QTGAL: variants seen among roughly 807,000 people sequenced by gnomAD.
The protein encoded by QTGAL is queuosine-tRNA galactosyltransferase.
the QTGAL span, among the ~76,000 whole-genome samples, chr17:82,990,397 C>CAGGCAAGAGACTCGCCATCGT: frequency 1.3e-5 from 2 of 152,276 alleles, no homozygotes; most frequent in Non-Finnish European, 2.9e-5. Context: ...AACGCCAACA[C>CAGGCAAGAGACTCGCCATCGT]AGGCAAGAGA....
At chr17:82,964,255 CA>C in the QTGAL span, among the ~76,000 whole-genome samples, 1,520 of 72,370 alleles carry the variant, frequency 0.021, 13 homozygotes, top group African/African-American at 0.082. Context: ...GACCCTGTCT[CA>C]AAAAAAAAAA....
At chr17:82,962,879 G>A in the QTGAL span, among the ~76,000 whole-genome samples, 1 of 147,030 alleles carries the variant, frequency 6.8e-6, no homozygotes, top group African/African-American at 2.5e-5. Context: ...CCTGGGAGGA[G>A]GGGGACGCAG....
the QTGAL span, chr17:82,956,690 C>T: frequency 6.4e-7 from 1 of 1,571,804 alleles, no homozygotes; most frequent in Non-Finnish European, 8.6e-7. This position sits in a 1 kb window ranked among gnomAD's most constrained non-coding sequence, Gnocchi z 5.7. Context: ...GGGCCCCACA[C>T]TCACCAGCTT....
the QTGAL span, among the ~76,000 whole-genome samples, chr17:83,051,535 G>A: frequency 6.6e-6 from 1 of 152,178 alleles, no homozygotes; most frequent in Non-Finnish European, 1.5e-5. Flanking sequence ...GCGCCCCGCG[G>A]GCTCCAATCC....
chr17:82,952,680 G>A, the QTGAL span, among the ~76,000 whole-genome samples: 4 of 152,100 alleles, frequency 2.6e-5, no homozygotes, highest in Admixed American at 6.6e-5. Context: ...GGACTTGAAC[G>A]CAGCTCTGGA....
At chr17:82,978,574 G>A in the QTGAL span, 1 of 152,152 alleles carries the variant, frequency 6.6e-6, no homozygotes, top group Non-Finnish European at 1.5e-5. This position sits in a 1 kb window ranked among gnomAD's most constrained non-coding sequence, Gnocchi z 4.8. Flanking sequence ...CCGGATGCAG[G>A]TCTCATTTCC....
chr17:82,968,004 C>T, the QTGAL span, among the ~76,000 whole-genome samples: 1 of 152,126 alleles, frequency 6.6e-6, no homozygotes, highest in Non-Finnish European at 1.5e-5. Context: ...TTACATAACG[C>T]TGAAGGGAAG....
At chr17:82,950,626 G>A in the QTGAL span, among the ~76,000 whole-genome samples, 76 of 152,122 alleles carry the variant, frequency 5.0e-4, 1 homozygote, top group African/African-American at 1.8e-3. Context: ...TATCTTTGGC[G>A]GCTACGGCCT....
chr17:83,019,365 C>T, the QTGAL span, among the ~76,000 whole-genome samples: 1 of 152,172 alleles, frequency 6.6e-6, no homozygotes, highest in African/African-American at 2.4e-5. Context: ...TTGATATATT[C>T]AAATTATCAC....
the QTGAL span, among the ~76,000 whole-genome samples, chr17:82,951,892 GA>G: frequency 6.6e-6 from 1 of 152,050 alleles, no homozygotes; most frequent in East Asian, 1.9e-4. Flanking sequence ...GGCGCCCCGA[GA>G]TAGTAGTGAC....
At chr17:82,946,249 A>G in the QTGAL span, among the ~76,000 whole-genome samples, 7 of 152,250 alleles carry the variant, frequency 4.6e-5, no homozygotes, top group African/African-American at 1.7e-4. Context: ...ACAATTAGAA[A>G]TAAATATTTT....
chr17:83,013,335 G>A, the QTGAL span, among the ~76,000 whole-genome samples: 1 of 150,044 alleles, frequency 6.7e-6, no homozygotes, highest in African/African-American at 2.5e-5. Flanking sequence ...CGTGCAGCCG[G>A]CTGCACCCCC....
the QTGAL span, among the ~76,000 whole-genome samples, chr17:83,037,720 A>G: frequency 2.6e-5 from 4 of 152,216 alleles, no homozygotes; most frequent in African/African-American, 4.8e-5. The surrounding 1 kb of genome is among the most constrained non-coding windows in gnomAD (Gnocchi z 5.2). Flanking sequence ...TCTGCTCACA[A>G]TGCGGCTTGT....
At chr17:82,963,867 C>T in the QTGAL span, among the ~76,000 whole-genome samples, 1 of 152,080 alleles carries the variant, frequency 6.6e-6, no homozygotes. Context: ...TTGAATTGCA[C>T]ATTTTAATAG....
At chr17:83,042,038 TTG>T in the QTGAL span, among the ~76,000 whole-genome samples, 1 of 132,084 alleles carries the variant, frequency 7.6e-6, no homozygotes, top group Non-Finnish European at 1.7e-5. Flanking sequence ...TAGTACTATT[TTG>T]GTTTGTATTT....
the QTGAL span, chr17:82,945,758 A>T: frequency 6.6e-6 from 1 of 152,170 alleles, no homozygotes; most frequent in African/African-American, 2.4e-5. Context: ...AAGAAAAAAA[A>T]ATGTCTCCAG....
chr17:82,971,661 A>G, the QTGAL span, among the ~76,000 whole-genome samples: 5 of 82,654 alleles, frequency 6.0e-5, no homozygotes, highest in African/African-American at 1.9e-4. Flanking sequence ...ACCACACCAC[A>G]GGGGCCAGAA....
the QTGAL span, among the ~76,000 whole-genome samples, chr17:83,050,638 T>G: frequency 3.3e-5 from 5 of 152,340 alleles, no homozygotes; most frequent in East Asian, 7.7e-4. Flanking sequence ...TAATCCTACA[T>G]CCCTGTGGTT....
At chr17:83,020,700 G>T in the QTGAL span, among the ~76,000 whole-genome samples, 1 of 152,156 alleles carries the variant, frequency 6.6e-6, no homozygotes, top group Non-Finnish European at 1.5e-5. Flanking sequence ...TAAAACCAGC[G>T]TCTCAAAGAG....
Sources: allele counts gnomAD v4.1 joint callset (sites outside exome capture counted in the v4.1 genomes callset), GRCh38; gene constraint gnomAD v4.1.1; non-coding constraint Gnocchi (gnomAD v3.1); transcripts MANE v1.5; gene names NCBI Gene and HGNC (gene_info 2026-07-23, HGNC 2026-07-21).